SLC71A2: variants seen among roughly 807,000 people sequenced by gnomAD.
SLC71A2 encodes the protein hippocampus abundant transcript-like 1.
the SLC71A2 span, among the ~76,000 whole-genome samples, chr9:94,436,084 T>C: frequency 6.6e-6 from 1 of 152,252 alleles, no homozygotes; most frequent in African/African-American, 2.4e-5. Context: ...TTATAATACC[T>C]AATACTGTGT....
chr9:94,397,265 T>C, the SLC71A2 span, among the ~76,000 whole-genome samples: 3 of 152,336 alleles, frequency 2.0e-5, no homozygotes, highest in East Asian at 5.8e-4. Flanking sequence ...CATTTTACAC[T>C]GGCATGGTAC....
the SLC71A2 span, among the ~76,000 whole-genome samples, chr9:94,441,917 G>A: frequency 1.4e-4 from 21 of 152,296 alleles, no homozygotes; most frequent in African/African-American, 3.6e-4. Flanking sequence ...TAGCTGAAGC[G>A]TTTTACATCA....
At chr9:94,459,572 GTTTTT>G in the SLC71A2 span, 2 of 480,508 alleles carry the variant, frequency 4.2e-6, no homozygotes, top group African/African-American at 2.0e-5. Context: ...TCCTCCTCCT[GTTTTT>G]TTTTTTTCTC....
chr9:94,428,562 C>T, the SLC71A2 span, among the ~76,000 whole-genome samples: 1 of 149,574 alleles, frequency 6.7e-6, no homozygotes, highest in Non-Finnish European at 1.5e-5. Flanking sequence ...ACAGAGATTT[C>T]CCCTGTATCC....
At chr9:94,453,151 T>C in the SLC71A2 span, among the ~76,000 whole-genome samples, 2 of 56,790 alleles carry the variant, frequency 3.5e-5, no homozygotes, top group Non-Finnish European at 6.2e-5. Context: ...CAGCCATCTT[T>C]TTTTTTTTTT....
chr9:94,392,169 A>G, the SLC71A2 span, among the ~76,000 whole-genome samples: 27 of 150,748 alleles, frequency 1.8e-4, no homozygotes, highest in African/African-American at 6.4e-4. Flanking sequence ...ATTGAAAGAG[A>G]GCAGGAGATT....
the SLC71A2 span, among the ~76,000 whole-genome samples, chr9:94,381,458 T>TAGTTC: frequency 4.6e-5 from 7 of 152,138 alleles, no homozygotes; most frequent in African/African-American, 1.7e-4. Context: ...TGTAAATCGG[T>TAGTTC]AGTTCATTCT....
chr9:94,404,706 T>C, the SLC71A2 span, among the ~76,000 whole-genome samples: 10 of 152,326 alleles, frequency 6.6e-5, no homozygotes, highest in Admixed American at 5.9e-4. Context: ...TGTCTGTGAG[T>C]TGAAAAAGTT....
chr9:94,459,233 T>C, the SLC71A2 span: 4 of 1,614,072 alleles, frequency 2.5e-6, no homozygotes, highest in South Asian at 3.3e-5. Flanking sequence ...GGTTGCCTTA[T>C]TCATTCCTGA....
chr9:94,448,530 T>G, the SLC71A2 span, among the ~76,000 whole-genome samples: 1 of 152,218 alleles, frequency 6.6e-6, no homozygotes, highest in South Asian at 2.1e-4. Context: ...AATTCCTCTT[T>G]TTCTGGTTGT....
chr9:94,458,212 C>T, the SLC71A2 span: 4 of 867,306 alleles, frequency 4.6e-6, no homozygotes, highest in South Asian at 2.1e-5. Context: ...TTCTCTTTTC[C>T]TCAGTCTTGC....
chr9:94,393,979 G>A, the SLC71A2 span, among the ~76,000 whole-genome samples: 5 of 123,764 alleles, frequency 4.0e-5, no homozygotes, highest in South Asian at 2.9e-4. Context: ...TGAATGAATC[G>A]TTTGGAGTTG....
chr9:94,445,302 T>C, the SLC71A2 span: 1 of 777,352 alleles, frequency 1.3e-6, no homozygotes, highest in African/African-American at 1.8e-5. Flanking sequence ...TTAGTAAAAA[T>C]AGAAAAAATT....
chr9:94,441,825 A>G, the SLC71A2 span, among the ~76,000 whole-genome samples: 2 of 152,120 alleles, frequency 1.3e-5, no homozygotes, highest in African/African-American at 4.8e-5. Context: ...TTTTTCTGAT[A>G]ATTAAAACCT....
chr9:94,401,127 G>T, the SLC71A2 span, among the ~76,000 whole-genome samples: 1 of 151,348 alleles, frequency 6.6e-6, no homozygotes. Flanking sequence ...CTTTCATGTG[G>T]GGTCAACTGC....
At chr9:94,445,048 G>C in the SLC71A2 span, 1 of 1,614,190 alleles carries the variant, frequency 6.2e-7, no homozygotes, top group Admixed American at 1.7e-5. Flanking sequence ...CAGCCTCGTT[G>C]TGCTGGTGGC....
chr9:94,444,913 C>T, the SLC71A2 span: 1 of 1,565,562 alleles, frequency 6.4e-7, no homozygotes, highest in Non-Finnish European at 8.8e-7. Context: ...ATATGCTTTC[C>T]CCAGAGGTGT....
At chr9:94,398,328 T>G in the SLC71A2 span, among the ~76,000 whole-genome samples, 128 of 151,190 alleles carry the variant, frequency 8.5e-4, no homozygotes, top group African/African-American at 3.0e-3. Context: ...GAAGAAAGTT[T>G]TTATTTCTGC....
chr9:94,414,462 T>A, the SLC71A2 span, among the ~76,000 whole-genome samples: 1 of 152,186 alleles, frequency 6.6e-6, no homozygotes, highest in Admixed American at 6.5e-5. Context: ...CTCAGGCCTT[T>A]GAGCATGTGA....
Sources: allele counts gnomAD v4.1 joint callset (sites outside exome capture counted in the v4.1 genomes callset), GRCh38; gene constraint gnomAD v4.1.1; transcripts MANE v1.5; gene names NCBI Gene and HGNC (gene_info 2026-07-23, HGNC 2026-07-21).